The following MYH1 variants were observed in gnomAD, a reference collection of about 807,000 sequenced individuals.
The protein encoded by MYH1 is myosin-1.
In MYH1, 214 loss-of-function variants were observed where a neutral mutation model predicts 225.6. That is an observed-to-expected ratio of 0.95 (90% CI 0.85 to 1.06). The LOEUF is 1.06. Ranked by LOEUF, MYH1 falls within the 50% of genes least tolerant of loss-of-function variation. MYH1 has a pLI of 0.00. For missense variants in MYH1, 2,098 were observed against 2,344.2 expected (o/e 0.89, Z 2.17); for synonymous variants, 774 against 842.3 (o/e 0.92, Z 1.40).
chr17:10,500,442 T>C (rs1458292709), intron 28 of MYH1, among the ~76,000 whole-genome samples, 184 bp downstream of exon 28: 1 of 151,782 alleles, frequency 6.6e-6, no homozygotes, highest in Non-Finnish European at 1.5e-5. Context: ...TATACACATA[T>C]ATTTCTCTCG....
In MYH1 at chr17:10,511,825, T is replaced by C; in HGVS notation, c.1416+14A>G. On this transcript the variant is annotated intron_variant, in intron 14 of 39. Coordinates refer to ENST00000226207, the MANE Select transcript of MYH1 (RefSeq NM_005963.4). ...GTTGGAAACTTTTTTGGTACAATTTTTCTGCTAACTCACATCAAAGATCTC... is the reference window on the plus strand; with the variant it reads ...GTTGGAAACTTTTTTGGTACAATTTCTCTGCTAACTCACATCAAAGATCTC... 6.2e-7 allele frequency: 1 copy of C among 1,614,082 alleles called. No individual in the cohort carries two copies. The highest frequency in any genetic ancestry group is 1.3e-5 in the African/African-American group (1 of 75,034).
intron 24 of MYH1, 75 bp downstream of exon 24, chr17:10,502,663 A>C: frequency 6.2e-7 from 1 of 1,606,814 alleles, no homozygotes; most frequent in Non-Finnish European, 8.5e-7. Context: ...TCACTATATC[A>C]TAACGACACA....
intron 17 of MYH1, among the ~76,000 whole-genome samples, chr17:10,506,961 C>T (rs968049139): frequency 2.0e-5 from 3 of 152,170 alleles, no homozygotes; most frequent in Non-Finnish European, 2.9e-5. Flanking sequence ...TGTTACCAAG[C>T]GTGTAAAGTT....
At chr17:10,502,353 T>C (rs1442962626) in intron 24 of MYH1, among the ~76,000 whole-genome samples, 3 of 152,210 alleles carry the variant, frequency 2.0e-5, no homozygotes, top group East Asian at 3.8e-4. Context: ...GAAAACCTTA[T>C]TGATCATTAC....
At chr17:10,511,070 C>T (rs1161383380) in intron 14 of MYH1, among the ~76,000 whole-genome samples, 1 of 151,182 alleles carries the variant, frequency 6.6e-6, no homozygotes, top group Non-Finnish European at 1.5e-5. Context: ...CCTTTCTTTC[C>T]ACGTTGGCTT....
At chr17:10,514,263 T>C in intron 6 of MYH1, 139 bp from the exon 7 acceptor site, 1 of 1,055,190 alleles carries the variant, frequency 9.5e-7, no homozygotes, top group South Asian at 1.6e-5. Context: ...GTATTATTTC[T>C]TTTGCTTTGC....
At position 10,509,505 on chromosome 17, in the gene MYH1, A is replaced by C; in HGVS notation, c.1567T>G (p.Cys523Gly). ...FIDFGMDLAA[C>G]IELIEKPMGI... ...CCAACCTTCTCGATGAGCTCGATGCAGGCAGCCAGGTCCATCCCAAAGTCA... is the reference window on the plus strand; with the variant it reads ...CCAACCTTCTCGATGAGCTCGATGCCGGCAGCCAGGTCCATCCCAAAGTCA... The change falls in exon 15 of 40, where the codon TGC (cysteine) becomes GGC (glycine). Residue 523 changes from cysteine to glycine, a missense_variant. Cys to Gly is a radical substitution (Grantham distance 159). Coordinates refer to ENST00000226207, the MANE Select transcript of MYH1 (RefSeq NM_005963.4). 6.2e-7 allele frequency: 1 copy of C among 1,614,170 alleles called. No homozygotes were observed. Among genetic ancestry groups the C allele is most frequent in the Non-Finnish European group, 8.5e-7 (1 of 1,180,032 alleles).
chr17:10,505,662 C>T (rs1465369968), intron 19 of MYH1, 150 bp downstream of exon 19: 3 of 1,366,304 alleles, frequency 2.2e-6, no homozygotes, highest in Middle Eastern at 2.1e-4. Context: ...ATTCAAAGGA[C>T]TTCAGAGTTT....
In MYH1 at chr17:10,505,252, A is replaced by G; in HGVS notation, c.2346T>C (p.Asp782=). ...GGGTAATCAGCTGGGCCAGCTTCTCATCTCGCATCTCCTCTAGGAGCCCCA... is the reference window on the plus strand; with the variant it reads ...GGGTAATCAGCTGGGCCAGCTTCTCGTCTCGCATCTCCTCTAGGAGCCCCA... ...GLLGLLEEMR[D]EKLAQLITRT... The change falls in exon 21 of 40, where the codon GAT becomes GAC. Residue 782 remains aspartate, a synonymous_variant. Coordinates refer to ENST00000226207, the MANE Select transcript of MYH1 (RefSeq NM_005963.4). The G allele has an allele frequency of 2.5e-6, 4 of 1,614,184 alleles. 1 individual carries two copies. In the Middle Eastern group the frequency reaches 4.9e-4, roughly 200 times the overall value.
intron 39 of MYH1, among the ~76,000 whole-genome samples, chr17:10,492,856 TTG>T (rs1491504840): frequency 2.0e-4 from 27 of 136,810 alleles, no homozygotes; most frequent in Admixed American, 5.2e-4. Context: ...GTTTTTTTTT[TTG>T]TTTGTTTGTT....
In MYH1 at chr17:10,496,293, C is replaced by A. The variant is rs146429782; in HGVS notation, c.4913G>T (p.Arg1638Leu). ...GTTCCTCAGGGCCTCAGCAGCCATG[C>A]GGTTGGCATGGTTCAGCTGGATTTC... ...EMEIQLNHAN[R>L]MAAEALRNYR... is the part of the protein sequence containing the mutation. The change falls in exon 34 of 40, where the codon CGC becomes CTC. Residue 1638 changes from arginine (R) to leucine (L), a missense_variant. Coordinates refer to ENST00000226207, the MANE Select transcript of MYH1 (RefSeq NM_005963.4). 4 of 1,614,096 alleles carry A rather than the reference C, an allele frequency of 2.5e-6. No individual in the cohort carries two copies. Among genetic ancestry groups the A allele is most frequent in the Admixed American group, 1.7e-5 (1 of 60,016 alleles).
rs768016690 is a variant in MYH1, at chr17:10,502,849, C to T, written c.3000G>A (p.Lys1000=). ...DETIAKLTKE[K]KALQEAHQQT... ...GCTGGTGGGCCTCCTGGAGAGCCTT[C>T]TTCTCCTTGGTCAGCTTAGCAATGG... Residue 1000 remains lysine (K), a synonymous_variant, in exon 24 of 40, where the codon AAG becomes AAA. Transcript: ENST00000226207. 6 of 1,613,964 alleles carry T rather than the reference C, an allele frequency of 3.7e-6. No individual in the cohort carries two copies. Among genetic ancestry groups the T allele is most frequent in the African/African-American group, 1.3e-5 (1 of 74,872 alleles).
chr17:10,504,976 G>C lies in MYH1; in HGVS notation c.2525C>G (p.Pro842Arg), dbSNP rs757853121. The change falls in exon 22 of 40, where the codon CCC becomes CGC. Residue 842 changes from proline to arginine, a missense_variant. By Grantham distance (103) the Pro-to-Arg change is moderately radical. Coordinates refer to ENST00000226207, the MANE Select transcript of MYH1 (RefSeq NM_005963.4). Reference sequence around the variant, plus strand: ...CTCTGTCTCTGCACTTTTGAGGAGGGGTTTGATCTTGAAATACAGCTTCAT... The same window carrying C: ...CTCTGTCTCTGCACTTTTGAGGAGGCGTTTGATCTTGAAATACAGCTTCAT... Reference protein sequence around the residue: ...PWMKLYFKIKPLLKSAETEKE... With the variant: ...PWMKLYFKIKRLLKSAETEKE... The C allele has an allele frequency of 1.9e-6, 3 of 1,614,016 alleles. No individual in the cohort carries two copies. Among genetic ancestry groups the C allele is most frequent in the East Asian group, 4.5e-5 (2 of 44,874 alleles).
chr17:10,506,839 T>C (rs2073117538), intron 17 of MYH1, among the ~76,000 whole-genome samples: 1 of 152,200 alleles, frequency 6.6e-6, no homozygotes, highest in African/African-American at 2.4e-5. Flanking sequence ...TCTGTGTGTC[T>C]ATCAAATGTG....
intron 28 of MYH1, 128 bp downstream of exon 28, chr17:10,500,498 G>T: frequency 7.2e-7 from 1 of 1,379,920 alleles, no homozygotes; most frequent in Non-Finnish European, 9.8e-7. Context: ...TCAATAATGT[G>T]TTCATATTAG....
At chr17:10,500,851 A>G (rs755809512) in intron 27 of MYH1, 99 bp from the exon 28 acceptor site, 3 of 1,529,362 alleles carry the variant, frequency 2.0e-6, no homozygotes, top group Non-Finnish European at 2.7e-6. Context: ...GTACTCATTT[A>G]TTTTGAGAAG....
chr17:10,498,786 G>C lies in MYH1; in HGVS notation c.4021C>G (p.Arg1341Gly). 6.2e-7 allele frequency: 1 copy of C among 1,614,214 alleles called. No homozygotes were observed. The highest frequency in any genetic ancestry group is 8.5e-7 in the Non-Finnish European group (1 of 1,180,032). The change falls in exon 30 of 40, where the codon CGC becomes GGC. Residue 1341 changes from arginine to glycine, a missense_variant. Transcript: ENST00000226207. ...SALAHALQSSRHDCDLLREQY... is the reference protein window; with the variant it reads ...SALAHALQSSGHDCDLLREQY... ...TCCCGCAGCAGGTCACAGTCATGGC[G>C]GGAGGACTGCAGGGCATGTGCCAGG... is the stretch of plus-strand genomic sequence containing the variant.
At chr17:10,509,722 T>C in intron 14 of MYH1, 67 bp from the exon 15 acceptor site, 1 of 1,613,512 alleles carries the variant, frequency 6.2e-7, no homozygotes, top group Non-Finnish European at 8.5e-7. Flanking sequence ...AAAGGGGTGT[T>C]TTTTTAGTTA....
rs201020205 is a variant in MYH1 at position 10,504,993 on chromosome 17, C to G, written c.2508G>C (p.Leu836=). 1.9e-6 allele frequency: 3 copies of G among 1,614,150 alleles called. No individual in the cohort carries two copies. The highest frequency in any genetic ancestry group is 2.5e-6 in the Non-Finnish European group (3 of 1,180,042). Residue 836 remains leucine, a synonymous_variant, in exon 22 of 40, where the codon CTG becomes CTC. Transcript: ENST00000226207. The stretch of plus-strand genomic sequence containing the variant: ...TGAGGAGGGGTTTGATCTTGAAATA[C>G]AGCTTCATCCAGGGCCAGTGCTTCA... ...MNVKHWPWMK[L]YFKIKPLLKS...
Sources: gnomAD v4.1 joint callset for allele counts (sites outside exome capture counted in the v4.1 genomes callset) on GRCh38, gnomAD v4.1.1 for gene constraint, MANE v1.5 for transcripts, NCBI Gene and HGNC (gene_info 2026-07-23, HGNC 2026-07-21) for gene names.